PRKCH: variants seen among roughly 807,000 people sequenced by gnomAD.
PRKCH encodes protein kinase C eta type.
Under a neutral mutation model 82.5 loss-of-function variants are expected in PRKCH, and 28 were observed. That is an observed-to-expected ratio of 0.34 (90% CI 0.25 to 0.47). The LOEUF is 0.47. Among genes scored for constraint, PRKCH ranks in the 20% least tolerant of loss-of-function variants. PRKCH has a pLI of 1.00. For missense variants in PRKCH, 705 were observed against 881.8 expected, an observed-to-expected ratio of 0.80 and a Z score of 2.54; for synonymous variants, 322 against 327.4, an observed-to-expected ratio of 0.98 and a Z score of 0.18.
intron 10 of PRKCH, among the ~76,000 whole-genome samples, chr14:61,492,865 C>A (rs1349801929): frequency 6.6e-6 from 1 of 152,118 alleles, no homozygotes; most frequent in Admixed American, 6.5e-5. Flanking sequence ...GATGTTCAGG[C>A]AAACTTCCTG....
chr14:61,193,168 C>A (rs1342113228), intron 1 of PRKCH, among the ~76,000 whole-genome samples: 1 of 152,136 alleles, frequency 6.6e-6, no homozygotes, highest in Non-Finnish European at 1.5e-5. Flanking sequence ...ATGAAAAGAC[C>A]TAAAGGGTGG....
At chr14:61,318,639 C>G (rs1464117289), upstream of PRKCH, among the ~76,000 whole-genome samples, 1 of 152,112 alleles carries the variant, frequency 6.6e-6, no homozygotes, top group African/African-American at 2.4e-5. Context: ...AGTTCTACTT[C>G]TGAAACACTT....
At chr14:61,236,062 T>C (rs1442943780) in intron 1 of PRKCH, among the ~76,000 whole-genome samples, 5 of 152,006 alleles carry the variant, frequency 3.3e-5, no homozygotes, top group Non-Finnish European at 7.4e-5. Context: ...AAAACAGAGA[T>C]CTTAAGACTT....
At position 61,207,106 on chromosome 14, in the gene PRKCH, CAAAAAAAAA is replaced by C. The variant is rs71114196; in HGVS notation, c.-19+19458_-19+19466del. ...GGGCAACCAGAGTGAAACTCCATCT[CAAAAAAAAA>C]AAAAAAAAAAAAAAAAAAAGATGTA... On this transcript the variant is annotated intron_variant, in intron 1 of 3. Coordinates refer to the PRKCH transcript ENST00000555185. 3.1e-3 allele frequency among the ~76,000 whole-genome samples: 152 copies of C among 49,160 alleles called. 1 individual carries two copies. The highest frequency in any genetic ancestry group is 0.012 in the African/African-American group (136 of 11,232). 32.3% of individuals were successfully genotyped at this position (49,160 alleles called of 152,430 possible).
At chr14:61,464,166 T>G (rs1885152920) in intron 9 of PRKCH, among the ~76,000 whole-genome samples, 1 of 152,268 alleles carries the variant, frequency 6.6e-6, no homozygotes, top group South Asian at 2.1e-4. Flanking sequence ...ATGAGTATAC[T>G]AATTTACATT....
At chr14:61,424,865 G>A (rs755738689) in intron 2 of PRKCH, among the ~76,000 whole-genome samples, 9 of 152,206 alleles carry the variant, frequency 5.9e-5, no homozygotes, top group Non-Finnish European at 1.2e-4. Flanking sequence ...GTGCAGCCTA[G>A]GACTTAGTAC....
intron 1 of PRKCH, among the ~76,000 whole-genome samples, chr14:61,285,106 T>C (rs536362759): frequency 6.6e-6 from 1 of 152,292 alleles, no homozygotes; most frequent in African/African-American, 2.4e-5. Context: ...AAACTATGTG[T>C]CTCCCTTTCC....
rs538845602 is a variant in PRKCH, at chr14:61,232,208, C to T, written c.-19+44540C>T. 1.6e-4 allele frequency among the ~76,000 whole-genome samples: 25 copies of T among 152,268 alleles called. No homozygotes were observed. The South Asian group carries it at 5.0e-3, about 30-fold the overall frequency. The stretch of plus-strand genomic sequence containing the variant: ...AACACAGGGAAACACTTATGTTTAC[C>T]AGTTCGTTATAAAGGATATTTTATT... On this transcript the variant is annotated intron_variant, in intron 1 of 3. Coordinates refer to the PRKCH transcript ENST00000555185.
chr14:61,521,256 A>G (rs1045685142), intron 10 of PRKCH, among the ~76,000 whole-genome samples: 5 of 152,242 alleles, frequency 3.3e-5, no homozygotes, highest in Admixed American at 3.3e-4. Flanking sequence ...ATTTTCAGAT[A>G]ACATTTAAAA....
chr14:61,320,547 C>T (rs2045602902), upstream of PRKCH, among the ~76,000 whole-genome samples: 1 of 152,012 alleles, frequency 6.6e-6, no homozygotes, highest in Non-Finnish European at 1.5e-5. Flanking sequence ...TGCGGTGAGC[C>T]GAGATGGCGC....
chr14:61,355,840 G>GAATT (rs2046140392), intron 1 of PRKCH, among the ~76,000 whole-genome samples: 3 of 152,184 alleles, frequency 2.0e-5, no homozygotes, highest in Non-Finnish European at 4.4e-5. Flanking sequence ...CAAAACACCT[G>GAATT]TATAGTTCAG....
intron 1 of PRKCH, among the ~76,000 whole-genome samples, chr14:61,286,273 A>T (rs1231566753): frequency 2.0e-5 from 3 of 152,212 alleles, no homozygotes; most frequent in South Asian, 2.1e-4. Flanking sequence ...GAAAAGTTTT[A>T]AAAAAATTCT....
intron 9 of PRKCH, among the ~76,000 whole-genome samples, chr14:61,480,317 A>C (rs555436443): frequency 6.6e-6 from 1 of 152,324 alleles, no homozygotes; most frequent in Admixed American, 6.5e-5. Flanking sequence ...TTTCCAAAAA[A>C]TGCTTCACCT....
chr14:61,259,337 A>G (rs768678293), intron 1 of PRKCH, among the ~76,000 whole-genome samples: 10 of 152,248 alleles, frequency 6.6e-5, no homozygotes, highest in Middle Eastern at 3.4e-3. Context: ...CCCAAATTGG[A>G]GTTATCAAAA....
intron 9 of PRKCH, among the ~76,000 whole-genome samples, chr14:61,484,912 C>T (rs912932657): frequency 2.6e-5 from 4 of 151,436 alleles, no homozygotes. Flanking sequence ...TTTGTATAGA[C>T]AACCTCTTGC....
intron 1 of PRKCH, among the ~76,000 whole-genome samples, chr14:61,208,439 G>T (rs895234238): frequency 6.6e-6 from 1 of 152,120 alleles, no homozygotes; most frequent in Non-Finnish European, 1.5e-5. Context: ...CTTTTTGTAA[G>T]CAACTAAAAA....
intron 1 of PRKCH, among the ~76,000 whole-genome samples, chr14:61,229,318 C>T (rs958990647): frequency 7.9e-5 from 12 of 152,046 alleles, no homozygotes; most frequent in Non-Finnish European, 1.5e-4. Flanking sequence ...ACAATGGGCT[C>T]CTGAACTTGG....
chr14:61,496,017 A>T (rs907512889), intron 10 of PRKCH, among the ~76,000 whole-genome samples: 1 of 152,186 alleles, frequency 6.6e-6, no homozygotes, highest in African/African-American at 2.4e-5. Flanking sequence ...CTCCATGTGA[A>T]TATCTGGGAG....
At chr14:61,312,507 C>T (rs2045532874) in intron 1 of PRKCH, among the ~76,000 whole-genome samples, 1 of 152,168 alleles carries the variant, frequency 6.6e-6, no homozygotes, top group Admixed American at 6.5e-5. Context: ...TGAAGCTCTC[C>T]ATATTGGTCC....
Sources: allele counts gnomAD v4.1 joint callset (sites outside exome capture counted in the v4.1 genomes callset), GRCh38; gene constraint gnomAD v4.1.1; transcripts MANE v1.5; gene names NCBI Gene and HGNC (gene_info 2026-07-23, HGNC 2026-07-21).